The following FCGRT variants were observed in gnomAD, a reference collection of about 807,000 sequenced individuals.
FCGRT encodes the protein Fc gamma receptor and transporter, also known as IgG receptor FcRn large subunit p51.
A neutral mutation model predicts 35.7 loss-of-function variants in FCGRT; 13 were observed. The observed-to-expected ratio is 0.36, with a 90% CI of 0.24 to 0.58. FCGRT has a LOEUF of 0.58. FCGRT is among the 20% of genes least tolerant of loss of function. The probability of loss-of-function intolerance (pLI) is 0.77; values close to 1 mark genes in which losing one functional copy is unlikely to be tolerated. For synonymous variants in FCGRT, 233 were observed against 216.5 expected, an observed-to-expected ratio of 1.08 and a Z score of -0.67; for missense variants, 455 against 474.9, an observed-to-expected ratio of 0.96 and a Z score of 0.39.
chr19:49,515,196 T>G (rs1355469937), intron 4 of FCGRT: 1 of 152,214 alleles, frequency 6.6e-6, no homozygotes, highest in East Asian at 1.9e-4. Context: ...CTCACTATGT[T>G]GCCCAGGCTG....
chr19:49,515,537 TC>T, intron 4 of FCGRT, among the ~76,000 whole-genome samples: 1 of 152,200 alleles, frequency 6.6e-6, no homozygotes, highest in Non-Finnish European at 1.5e-5. Flanking sequence ...CACCTCCGCC[TC>T]CCAAAGTGCT....
rs750871998 is a variant in FCGRT at position 49,514,243 on chromosome 19, G to A, written c.358G>A (p.Glu120Lys). 6.2e-7 allele frequency: 1 copy of A among 1,610,928 alleles called. No homozygotes were observed. Among genetic ancestry groups the A allele is most frequent in the Non-Finnish European group, 8.5e-7 (1 of 1,178,712 alleles). Residue 120 changes from glutamate (E) to lysine (K), a missense_variant, in exon 4 of 7, where the codon GAA (glutamate) becomes AAA (lysine). Physicochemically the swap from Glu to Lys is moderately conservative, Grantham distance 56 (BLOSUM62 1). Coordinates refer to ENST00000221466, the MANE Select transcript of FCGRT (RefSeq NM_001136019.3). The stretch of plus-strand genomic sequence containing the variant: ...CACTCTGCAGGGCCTGCTGGGCTGT[G>A]AACTGGGCCCTGACAACACCTCGGT... ...PYTLQGLLGC[E>K]LGPDNTSVPT...
In FCGRT at chr19:49,514,316, A is replaced by G; in HGVS notation, c.431A>G (p.Asp144Gly). 1 of 1,613,308 alleles carries G rather than the reference A, an allele frequency of 6.2e-7. No individual in the cohort carries two copies. The highest frequency in any genetic ancestry group is 1.1e-5 in the South Asian group (1 of 90,890). The change falls in exon 4 of 7, where the codon GAC becomes GGC. Residue 144 changes from aspartate (D) to glycine (G), a missense_variant. Around this residue, in one of 3 missense-constraint regions of FCGRT, gnomAD observed 7 missense variants for 19.9 expected, o/e 0.35. Coordinates refer to ENST00000221466, the MANE Select transcript of FCGRT (RefSeq NM_001136019.3). The stretch of plus-strand genomic sequence containing the variant: ...AACGGCGAGGAGTTCATGAATTTCG[A>G]CCTCAAGCAGGGCACCTGGGGTGGG... Reference protein sequence around the residue: ...ALNGEEFMNFDLKQGTWGGDW... With the variant: ...ALNGEEFMNFGLKQGTWGGDW...
In FCGRT at chr19:49,526,408, C is replaced by T. The variant is rs532115222; in HGVS notation, c.*289C>T. ...GGGGGACTGAATGGCGGCTGGGCCT[C>T]GGATCTCTCCTACAGGTAACATGCT... On this transcript the variant is annotated 3_prime_UTR_variant, in exon 7 of 7. Transcript: ENST00000221466. 2.5e-5 allele frequency: 11 copies of T among 446,158 alleles called. No homozygotes were observed. Among genetic ancestry groups the T allele is most frequent in the Middle Eastern group, 6.4e-4 (1 of 1,558 alleles). The allele number at this position is 446,158 out of a possible 1,614,324, so 27.6% of individuals were successfully genotyped here.
intron 4 of FCGRT, 95 bp from the exon 5 acceptor site, chr19:49,524,412 A>C: frequency 7.5e-7 from 1 of 1,332,998 alleles, no homozygotes; most frequent in Non-Finnish European, 1.0e-6. Context: ...CGGTTAGCAC[A>C]GTGCAAACAT....
chr19:49,513,400 C>A lies in FCGRT; in HGVS notation c.-1C>A. The A allele has an allele frequency of 8.0e-7, 1 of 1,243,672 alleles. No individual in the cohort carries two copies. Among genetic ancestry groups the A allele is most frequent in the Non-Finnish European group, 1.0e-6 (1 of 986,514 alleles). The allele number at this position is 1,243,672 out of a possible 1,614,324, so 77.0% of individuals were successfully genotyped here. A position where few individuals can be genotyped will look rare whatever the true frequency, so the allele number is the denominator to read the frequency against. On this transcript the variant is annotated 5_prime_UTR_variant, in exon 2 of 7. Transcript: ENST00000221466. ...CTCCCGCCCCAGGTCGTCCTCTCAGCATGGGGGTCCCGCGGCCTCAGCCCT... is the reference window on the plus strand; with the variant it reads ...CTCCCGCCCCAGGTCGTCCTCTCAGAATGGGGGTCCCGCGGCCTCAGCCCT...
intron 2 of FCGRT, 126 bp downstream of exon 2, chr19:49,513,599 A>G: frequency 3.8e-6 from 2 of 522,134 alleles, no homozygotes; most frequent in Non-Finnish European, 6.0e-6. Flanking sequence ...TCTCCGCTCA[A>G]TTAACTTTCT....
At chr19:49,516,060 C>T in intron 4 of FCGRT, 2 of 401,272 alleles carry the variant, frequency 5.0e-6, no homozygotes, top group Non-Finnish European at 9.8e-6. Flanking sequence ...AGGCGCTGCT[C>T]TGGGCCTTGA....
intron 1 of FCGRT, chr19:49,513,076 A>C (rs1208517879): frequency 1.2e-5 from 1 of 82,926 alleles, no homozygotes; most frequent in Non-Finnish European, 2.0e-5. Flanking sequence ...CCTGGGTCCG[A>C]GGGAAGAGCG....
At chr19:49,519,999 T>A (rs893410701) in intron 4 of FCGRT, among the ~76,000 whole-genome samples, 14 of 150,376 alleles carry the variant, frequency 9.3e-5, no homozygotes, top group African/African-American at 3.4e-4. Context: ...CCTGGCTAAT[T>A]TTTGTATTTT....
intron 4 of FCGRT, among the ~76,000 whole-genome samples, chr19:49,516,419 GTT>G (rs759161592): frequency 4.0e-5 from 5 of 124,450 alleles, no homozygotes; most frequent in Non-Finnish European, 3.5e-5. Context: ...ATTTTTGTTT[GTT>G]TTTTTTTTTT....
chr19:49,522,667 C>T (rs1022330104), intron 4 of FCGRT, among the ~76,000 whole-genome samples: 76 of 150,418 alleles, frequency 5.1e-4, no homozygotes, highest in South Asian at 4.2e-4. Context: ...CTCCTGACCT[C>T]GTGATCCTCC....
At position 49,514,088 on chromosome 19, in the gene FCGRT, A is replaced by G. The variant is rs558937033; in HGVS notation, c.280A>G (p.Lys94Glu). ...WEKETTDLRI[K>E]EKLFLEAFKA... ...GAAAGAGACCACAGATCTGAGGATC[A>G]AGGAGAAGCTCTTTCTGGAAGCTTT... Residue 94 changes from lysine to glutamate, a missense_variant, in exon 3 of 7, where the codon AAG becomes GAG. This residue lies in a region of FCGRT where 136 missense variants were observed against 158.9 expected (regional missense o/e 0.86). Transcript: ENST00000221466. 6.2e-7 allele frequency: 1 copy of G among 1,611,976 alleles called. No homozygotes were observed. The highest frequency in any genetic ancestry group is 1.7e-5 in the Admixed American group (1 of 60,018).
At chr19:49,516,927 C>A (rs775943617) in intron 4 of FCGRT, among the ~76,000 whole-genome samples, 1 of 152,084 alleles carries the variant, frequency 6.6e-6, no homozygotes, top group Non-Finnish European at 1.5e-5. Context: ...CGGTGGCTCA[C>A]GCCTATAATC....
chr19:49,517,982 C>G (rs1271457713), intron 4 of FCGRT, among the ~76,000 whole-genome samples: 1 of 152,094 alleles, frequency 6.6e-6, no homozygotes, highest in Non-Finnish European at 1.5e-5. Flanking sequence ...TAAGCCACCG[C>G]GCCTGGCCAA....
At chr19:49,523,451 C>G (rs1047662474) in intron 4 of FCGRT, among the ~76,000 whole-genome samples, 4 of 151,924 alleles carry the variant, frequency 2.6e-5, no homozygotes, top group Non-Finnish European at 5.9e-5. Context: ...ACCTGTAGTC[C>G]CAGCCACTCG....
intron 4 of FCGRT, among the ~76,000 whole-genome samples, chr19:49,518,093 G>T (rs1481148252): frequency 1.3e-5 from 2 of 151,980 alleles, no homozygotes; most frequent in Non-Finnish European, 2.9e-5. Context: ...CCCAAAGTGC[G>T]GGAGTCACCG....
intron 4 of FCGRT, among the ~76,000 whole-genome samples, chr19:49,519,493 T>C (rs1049124611): frequency 5.9e-5 from 9 of 152,172 alleles, no homozygotes; most frequent in Non-Finnish European, 1.3e-4. Context: ...TTTTTCCCCC[T>C]GTAATTGTGG....
chr19:49,515,570 C>T (rs1415958986), intron 4 of FCGRT, among the ~76,000 whole-genome samples: 2 of 152,022 alleles, frequency 1.3e-5, no homozygotes, highest in Non-Finnish European at 1.5e-5. Context: ...AGTGAGCTAC[C>T]GCGTCTGGCC....
Sources: gnomAD v4.1 joint callset for allele counts (sites outside exome capture counted in the v4.1 genomes callset) on GRCh38, gnomAD v4.1.1 for gene constraint, gnomAD v4.1.1 regional missense constraint, MANE v1.5 for transcripts, NCBI Gene and HGNC (gene_info 2026-07-23, HGNC 2026-07-21) for gene names.